The following FLG variants were observed in gnomAD, a reference collection of about 807,000 sequenced individuals.
FLG encodes the protein filaggrin, also known as epidermal filaggrin.
A neutral mutation model predicts 3.8 loss-of-function variants in FLG; 6 were observed. The ratio of observed to expected loss-of-function variants is 1.60; its 90% CI spans 0.87 to 3.15. The LOEUF is 3.15. Ranked by LOEUF, FLG falls within the 30% of genes most tolerant of loss-of-function variation. The pLI is 0.00. For missense variants in FLG, 7,595 were observed against 5,050.9 expected, an observed-to-expected ratio of 1.50 and a Z score of -15.27; for synonymous variants, 2,551 against 1,931.6, an observed-to-expected ratio of 1.32 and a Z score of -8.41.
chr1:152,312,254 C>T lies in FLG; in HGVS notation c.2632G>A (p.Gly878Arg). Reference sequence around the variant, plus strand: ...TGCCCACGGGAGGCATCAGACCTTCCCTGGGATGTGGTGTGGCTGTGATGG... The same window carrying T: ...TGCCCACGGGAGGCATCAGACCTTCTCTGGGATGTGGTGTGGCTGTGATGG... ...GSHHSHTTSQ[G>R]RSDASRGQSG... Residue 878 changes from glycine to arginine, a missense_variant, in exon 3 of 3, where the codon GGA becomes AGA. Coordinates refer to ENST00000368799, the MANE Select transcript of FLG (RefSeq NM_002016.2). The T allele has an allele frequency of 1.2e-6, 2 of 1,613,736 alleles. No homozygotes were observed. The highest frequency in any genetic ancestry group is 1.3e-5 in the African/African-American group (1 of 74,922).
Position 152,309,690 on chromosome 1 carries a change from C to G in FLG, c.5196G>C (p.Gln1732His), listed in dbSNP as rs776040477. 5 of 1,614,064 alleles carry G rather than the reference C, an allele frequency of 3.1e-6. No individual in the cohort carries two copies. The highest frequency in any genetic ancestry group is 4.2e-6 in the Non-Finnish European group (5 of 1,180,008). The change falls in exon 3 of 3, where the codon CAG becomes CAC. Residue 1732 changes from glutamine to histidine, a missense_variant. Physicochemically the swap from Gln to His is conservative, Grantham distance 24 (BLOSUM62 0). Coordinates refer to ENST00000368799, the MANE Select transcript of FLG (RefSeq NM_002016.2). ...CAGCCTGTCCGTGGGCTGACACTGA[C>G]TGTGTGTCTGACTCTTCTGAGTGTC... ...SEGHSEESDT[Q>H]SVSAHGQAGP...
At chr1:152,316,732 A>T (rs1282761372) in intron 1 of FLG, among the ~76,000 whole-genome samples, 1 of 151,982 alleles carries the variant, frequency 6.6e-6, no homozygotes, top group South Asian at 2.1e-4. Context: ...TCACTCTTTG[A>T]CCTTCTCTTG....
chr1:152,310,682 A>G lies in FLG; in HGVS notation c.4204T>C (p.Ser1402Pro). 6.2e-7 allele frequency: 1 copy of G among 1,613,900 alleles called. No individual in the cohort carries two copies. The highest frequency in any genetic ancestry group is 8.5e-7 in the Non-Finnish European group (1 of 1,179,986). The change falls in exon 3 of 3, where the codon TCA (serine) becomes CCA (proline). Residue 1402 changes from serine to proline, a missense_variant. Ser to Pro is a moderately conservative substitution (Grantham distance 74, BLOSUM62 -1). Transcript: ENST00000368799. ...ACTGACTGTGTGTCTGAGTCTTCTGAATGTCCCTCACTGTTAGTGACCTGA... is the reference window on the plus strand; with the variant it reads ...ACTGACTGTGTGTCTGAGTCTTCTGGATGTCCCTCACTGTTAGTGACCTGA... ...GSQVTNSEGH[S>P]EDSDTQSVSA...
In FLG at chr1:152,304,081, T is replaced by C; in HGVS notation, c.10805A>G (p.His3602Arg). The change falls in exon 3 of 3, where the codon CAT (histidine) becomes CGT (arginine). Residue 3602 changes from histidine (H) to arginine (R), a missense_variant. Coordinates refer to ENST00000368799, the MANE Select transcript of FLG (RefSeq NM_002016.2). Reference sequence around the variant, plus strand: ...CTGTCCACCAGAGGAATTCTCTGCATGATGAGTGCCTGATTGTCTGGAGCT... The same window carrying C: ...CTGTCCACCAGAGGAATTCTCTGCACGATGAGTGCCTGATTGTCTGGAGCT... ...AESSRQSGTH[H>R]AENSSGGQAA... 1 of 1,612,036 alleles carries C rather than the reference T, an allele frequency of 6.2e-7. No individual in the cohort carries two copies. Among genetic ancestry groups the C allele is most frequent in the Non-Finnish European group, 8.5e-7 (1 of 1,179,834 alleles).
Position 152,311,566 on chromosome 1 carries a change from G to A in FLG, c.3320C>T (p.Ser1107Leu). Residue 1107 changes from serine to leucine, a missense_variant, in exon 3 of 3, where the codon TCA becomes TTA. Physicochemically the swap from Ser to Leu is moderately radical, Grantham distance 145. Coordinates refer to ENST00000368799, the MANE Select transcript of FLG (RefSeq NM_002016.2). ...QSHQESARDW[S>L]GGRSGRSGSF... ...CCCTGAACGTCCAGACCTTCCCCCT[G>A]ACCAGTCACGTGCGGACTCTTGGTG... 1 of 1,613,854 alleles carries A rather than the reference G, an allele frequency of 6.2e-7. No individual in the cohort carries two copies. The highest frequency in any genetic ancestry group is 8.5e-7 in the Non-Finnish European group (1 of 1,179,996).
At chr1:152,315,513 A>G (rs2786669) in intron 1 of FLG, 36 bp from the exon 2 acceptor site, 1 of 1,496,270 alleles carries the variant, frequency 6.7e-7, no homozygotes, top group Non-Finnish European at 9.2e-7. Flanking sequence ...TTTTTTATAC[A>G]TCTTTTTTTC....
rs753392948 is a variant in FLG at position 152,308,382 on chromosome 1, G to C, written c.6504C>G (p.His2168Gln). The C allele has an allele frequency of 3.7e-6, 6 of 1,613,650 alleles. No homozygotes were observed. The highest frequency in any genetic ancestry group is 1.1e-5 in the South Asian group (1 of 91,050). The change falls in exon 3 of 3, where the codon CAC becomes CAG. Residue 2168 changes from histidine (H) to glutamine (Q), a missense_variant. His to Gln is a conservative substitution (Grantham distance 24). Transcript: ENST00000368799. Reference protein sequence around the residue: ...VDRSGHSGSHHSHTTSQGRSD... With the variant: ...VDRSGHSGSHQSHTTSQGRSD... The stretch of plus-strand genomic sequence containing the variant: ...ACCTTCCCTGGGATGTGGTGTGGCT[G>C]TGATGAGACCCTGAGTGTCCAGACC...
At position 152,313,937 on chromosome 1, in the gene FLG, C is replaced by G; in HGVS notation, c.949G>C (p.Ala317Pro). The G allele has an allele frequency of 3.1e-6, 5 of 1,614,130 alleles. No individual in the cohort carries two copies. Among genetic ancestry groups the G allele is most frequent in the Non-Finnish European group, 4.2e-6 (5 of 1,180,024 alleles). ...SEDSERHSGS[A>P]SRNHHGSAWE... ...GCAGATCCATGATGGTTTCTGGAAGCCGACCCAGAGTGCCTCTCAGAGTCT... is the reference window on the plus strand; with the variant it reads ...GCAGATCCATGATGGTTTCTGGAAGGCGACCCAGAGTGCCTCTCAGAGTCT... Residue 317 changes from alanine (A) to proline (P), a missense_variant, in exon 3 of 3, where the codon GCT becomes CCT. Transcript: ENST00000368799.
chr1:152,309,468 G>C lies in FLG; in HGVS notation c.5418C>G (p.Ser1806=). ...CACGAATGGTGTCCTGACCCTCTTG[G>C]GACGCTGAGTGCCTGGAGCTGTCTC... ...QARDSSRHSA[S]QEGQDTIRGH... The change falls in exon 3 of 3, where the codon TCC becomes TCG. Residue 1806 remains serine (S), a synonymous_variant. Transcript: ENST00000368799. 6.2e-7 allele frequency: 1 copy of C among 1,612,872 alleles called. No homozygotes were observed. Among genetic ancestry groups the C allele is most frequent in the Non-Finnish European group, 8.5e-7 (1 of 1,179,794 alleles).
Position 152,314,119 on chromosome 1 carries a change from A to G in FLG, c.767T>C (p.Ile256Thr), listed in dbSNP as rs140880252. The change falls in exon 3 of 3, where the codon ATA becomes ACA. Residue 256 changes from isoleucine to threonine, a missense_variant. Coordinates refer to ENST00000368799, the MANE Select transcript of FLG (RefSeq NM_002016.2). The stretch of plus-strand genomic sequence containing the variant: ...ATCAGATGACCTTGATCTTTCATAT[A>G]TTTTGTTTTCTTCTAATAGACTATC... Reference protein sequence around the residue: ...TTDSLLEENKIYERSRSSDGK... With the variant: ...TTDSLLEENKTYERSRSSDGK... 4.3e-6 allele frequency: 7 copies of G among 1,613,814 alleles called. No individual in the cohort carries two copies. In the African/African-American group the frequency reaches 9.4e-5, roughly 22 times the overall value.
At position 152,303,155 on chromosome 1, in the gene FLG, T is replaced by C. The variant is rs138183419; in HGVS notation, c.11731A>G (p.Ser3911Gly). 1.1e-5 allele frequency: 18 copies of C among 1,614,182 alleles called. No individual in the cohort carries two copies. The highest frequency in any genetic ancestry group is 1.3e-5 in the Non-Finnish European group (15 of 1,180,028). The change falls in exon 3 of 3, where the codon AGT becomes GGT. Residue 3911 changes from serine to glycine, a missense_variant. Ser to Gly is a moderately conservative substitution (Grantham distance 56). Coordinates refer to ENST00000368799, the MANE Select transcript of FLG (RefSeq NM_002016.2). ...TGTACAGGTGAAGACTGTACATGAC[T>C]GGCTGTATCGCGGTGAGAGGATCCG... is the stretch of plus-strand genomic sequence containing the variant. ...HPGSSHRDTA[S>G]HVQSSPVQSD...
rs1332508166 is a variant in FLG, at chr1:152,304,376, A to G, written c.10510T>C (p.Ser3504Pro). ...TGAGTGGAAGCTTCATGGTGATGCG[A>G]CCATGAGTGCCTGGAGCCATCTCCT... ...QSGDGSRHSWSHHHEASTQAD... is the reference protein window; with the variant it reads ...QSGDGSRHSWPHHHEASTQAD... Residue 3504 changes from serine to proline, a missense_variant, in exon 3 of 3, where the codon TCG (serine) becomes CCG (proline). Ser to Pro is a moderately conservative substitution (Grantham distance 74). Transcript: ENST00000368799. 3.1e-6 allele frequency: 5 copies of G among 1,611,604 alleles called. No individual in the cohort carries two copies. Among genetic ancestry groups the G allele is most frequent in the Admixed American group, 1.7e-5 (1 of 59,810 alleles).
In FLG at chr1:152,305,060, T is replaced by C; in HGVS notation, c.9826A>G (p.Thr3276Ala). The C allele has an allele frequency of 1.2e-6, 2 of 1,613,840 alleles. No homozygotes were observed. Among genetic ancestry groups the C allele is most frequent in the South Asian group, 1.1e-5 (1 of 91,012 alleles). Residue 3276 changes from threonine to alanine, a missense_variant, in exon 3 of 3, where the codon ACT becomes GCT. By Grantham distance (58) the Thr-to-Ala change is moderately conservative (BLOSUM62 0). Coordinates refer to ENST00000368799, the MANE Select transcript of FLG (RefSeq NM_002016.2). Reference protein sequence around the residue: ...HSADRSRQSGTRHAETSSGGQ... With the variant: ...HSADRSRQSGARHAETSSGGQ... ...CCAGAGGAAGTCTCTGCGTGACGAG[T>C]GCCTGATTGTCTGGAGCGGTCTGCA...
chr1:152,308,955 T>G lies in FLG; in HGVS notation c.5931A>C (p.Ser1977=). The G allele has an allele frequency of 6.2e-7, 1 of 1,614,184 alleles. No homozygotes were observed. The highest frequency in any genetic ancestry group is 8.5e-7 in the Non-Finnish European group (1 of 1,180,002). ...AGGAAGACTCTGTGTGACGAGTGCC[T>G]GATTGTCTGGAGCTGTCTGCAGAGT... ...HGHSADSSRQ[S]GTRHTESSSR... Residue 1977 remains serine (S), a synonymous_variant, in exon 3 of 3, where the codon TCA becomes TCC. Transcript: ENST00000368799.
In FLG at chr1:152,310,219, T is replaced by G. The variant is rs61217139; in HGVS notation, c.4667A>C (p.His1556Pro). 6.2e-7 allele frequency: 1 copy of G among 1,613,802 alleles called. No individual in the cohort carries two copies. The highest frequency in any genetic ancestry group is 2.2e-5 in the East Asian group (1 of 44,808). The change falls in exon 3 of 3, where the codon CAC (histidine) becomes CCC (proline). Residue 1556 changes from histidine (H) to proline (P), a missense_variant. Physicochemically the swap from His to Pro is moderately conservative, Grantham distance 77 (BLOSUM62 -2). Transcript: ENST00000368799. ...AGGTTCATGGTGACGTGACCCTGAG[T>G]GCCTGGAGCCGTCTCCTGATTGTTC... Reference protein sequence around the residue: ...NEEQSGDGSRHSGSRHHEPST... With the variant: ...NEEQSGDGSRPSGSRHHEPST...
rs1267107971 is a variant in FLG at position 152,303,550 on chromosome 1, T to C, written c.11336A>G (p.Asp3779Gly). 1 of 1,613,954 alleles carries C rather than the reference T, an allele frequency of 6.2e-7. No homozygotes were observed. Among genetic ancestry groups the C allele is most frequent in the South Asian group, 1.1e-5 (1 of 91,072 alleles). Residue 3779 changes from aspartate to glycine, a missense_variant, in exon 3 of 3, where the codon GAT becomes GGT. By Grantham distance (94) the Asp-to-Gly change is moderately conservative. Coordinates refer to ENST00000368799, the MANE Select transcript of FLG (RefSeq NM_002016.2). ...ATGGGACCCTGAGTGTCCAGACCTA[T>C]CTACCGATTGCTCGTGGTAGGATCC... ...RQGSYHEQSV[D>G]RSGHSGSHHS...
chr1:152,311,731 C>CCA lies in FLG; in HGVS notation c.3154_3155insTG (p.Arg1052MetfsTer71). On this transcript the variant is annotated frameshift_variant, in exon 3 of 3. Coordinates refer to ENST00000368799, the MANE Select transcript of FLG (RefSeq NM_002016.2). LOFTEE classifies it low-confidence loss of function (END_TRUNC). ...GTCTCTGACTGCAGATGAAGCTTGT[C>CCA]TGCGCGGAATGCCTGAGTGTCTGGA... The CCA allele has an allele frequency of 6.2e-7, 1 of 1,614,054 alleles. No individual in the cohort carries two copies. The highest frequency in any genetic ancestry group is 1.1e-5 in the South Asian group (1 of 91,078).
In FLG at chr1:152,311,283, C is replaced by T. The variant is rs767673762; in HGVS notation, c.3603G>A (p.Gln1201=). ...GCCCATGGGAGGCATCAGACCTTCC[C>T]TGGGATGTGGTGTGGCTGTGATGGG... ...SGSHHSHTTS[Q]GRSDASHGQS... Residue 1201 remains glutamine, a synonymous_variant, in exon 3 of 3, where the codon CAG becomes CAA. Coordinates refer to ENST00000368799, the MANE Select transcript of FLG (RefSeq NM_002016.2). 3.1e-6 allele frequency: 5 copies of T among 1,613,868 alleles called. No homozygotes were observed. Among genetic ancestry groups the T allele is most frequent in the Non-Finnish European group, 3.4e-6 (4 of 1,179,966 alleles).
intron 1 of FLG, among the ~76,000 whole-genome samples, chr1:152,324,758 C>G (rs561891128): frequency 1.3e-5 from 2 of 151,808 alleles, no homozygotes; most frequent in East Asian, 3.9e-4. Context: ...AGCCAAAAGA[C>G]GGGACACCCC....
Sources: gnomAD v4.1 joint callset for allele counts (sites outside exome capture counted in the v4.1 genomes callset) on GRCh38, gnomAD v4.1.1 for gene constraint, MANE v1.5 for transcripts, NCBI Gene and HGNC (gene_info 2026-07-23, HGNC 2026-07-21) for gene names.